CEP63: variants seen among roughly 807,000 people sequenced by gnomAD.
CEP63 encodes the protein centrosomal protein 63.
In CEP63, 84 loss-of-function variants were observed where a neutral mutation model predicts 89.1. That is an observed-to-expected ratio of 0.94 (90% CI 0.79 to 1.13). CEP63 has a LOEUF of 1.13. Ranked by LOEUF, CEP63 falls within the 50% of genes most tolerant of loss-of-function variation. The pLI, the probability that CEP63 is intolerant of heterozygous loss-of-function variation, is 0.00. For missense variants in CEP63, 838 were observed against 813.3 expected (o/e 1.03, Z -0.37); for synonymous variants, 267 against 272.5 (o/e 0.98, Z 0.20).
chr3:134,782,506 C>G, the CEP63 span, among the ~76,000 whole-genome samples: 2 of 152,070 alleles, frequency 1.3e-5, no homozygotes, highest in African/African-American at 4.8e-5. Flanking sequence ...TCCGTATGCC[C>G]TCTTTTCCAT....
chr3:134,550,667 A>G (rs549369987), intron 11 of CEP63, among the ~76,000 whole-genome samples: 1 of 152,140 alleles, frequency 6.6e-6, no homozygotes, highest in African/African-American at 2.4e-5. Flanking sequence ...CTAGAGTACA[A>G]GTGGGATGAG....
chr3:134,634,853 C>T, the CEP63 span, among the ~76,000 whole-genome samples: 1 of 152,134 alleles, frequency 6.6e-6, no homozygotes, highest in African/African-American at 2.4e-5. Flanking sequence ...GAACCAATCC[C>T]CCATGTATAC....
In CEP63 at chr3:134,545,133, GGGA is replaced by G. The variant is rs576903645; in HGVS notation, c.556-452_556-450del. Among the ~76,000 whole-genome samples, 30 of 152,078 alleles carry G rather than the reference GGGA, an allele frequency of 2.0e-4. No homozygotes were observed. In the South Asian group the frequency reaches 6.2e-3, roughly 32 times the overall value. The stretch of plus-strand genomic sequence containing the variant: ...CTCAGCCTCCCGATCCCGAGTAGCT[GGGA>G]TTACAGGCACGCGCCACCACGCCCA... On this transcript the variant is annotated intron_variant, in intron 6 of 14. Coordinates refer to ENST00000675561, the MANE Select transcript of CEP63 (RefSeq NM_001353108.3).
At chr3:134,650,805 C>A in the CEP63 span, 5 of 1,554,966 alleles carry the variant, frequency 3.2e-6, no homozygotes, top group African/African-American at 1.4e-5. Flanking sequence ...ACCCGGGGAC[C>A]CGGGTCGGGC....
chr3:134,635,411 C>T, the CEP63 span, among the ~76,000 whole-genome samples: 11 of 144,540 alleles, frequency 7.6e-5, no homozygotes, highest in East Asian at 2.3e-4. Context: ...GCAGGAGAAT[C>T]GCTTGGACCT....
the CEP63 span, among the ~76,000 whole-genome samples, chr3:134,708,998 T>C: frequency 2.6e-5 from 4 of 152,164 alleles, no homozygotes; most frequent in African/African-American, 9.7e-5. Context: ...ACTGTCTTCA[T>C]AGGGGTTGTC....
At chr3:134,569,141 T>G (rs1051528400), downstream of CEP63, among the ~76,000 whole-genome samples, 1 of 152,178 alleles carries the variant, frequency 6.6e-6, no homozygotes, top group Non-Finnish European at 1.5e-5. Context: ...ACGTGGGAAT[T>G]CAGGTGAAAT....
the CEP63 span, among the ~76,000 whole-genome samples, chr3:134,678,715 T>G: frequency 1.3e-5 from 2 of 152,236 alleles, no homozygotes; most frequent in African/African-American, 4.8e-5. Flanking sequence ...CCCAAGGTAG[T>G]GCAGCTAGAT....
intron 3 of CEP63, among the ~76,000 whole-genome samples, chr3:134,522,993 GT>G (rs1319125220): frequency 1.3e-5 from 2 of 152,098 alleles, no homozygotes; most frequent in African/African-American, 4.8e-5. Context: ...TTCCATAGTG[GT>G]TAAACTAATT....
At chr3:134,714,243 G>C in the CEP63 span, among the ~76,000 whole-genome samples, 1 of 152,186 alleles carries the variant, frequency 6.6e-6, no homozygotes, top group Admixed American at 6.5e-5. Flanking sequence ...TTTGTTAGAC[G>C]AGGTCAAAGA....
At chr3:134,745,672 A>G in the CEP63 span, among the ~76,000 whole-genome samples, 1 of 151,922 alleles carries the variant, frequency 6.6e-6, no homozygotes, top group African/African-American at 2.4e-5. Context: ...TCTTAATGCT[A>G]TCTTTCCCTC....
Position 134,564,771 on chromosome 3 carries a change from C to T in CEP63, c.*3236C>T. 1 of 985,446 alleles carries T rather than the reference C, an allele frequency of 1.0e-6. No individual in the cohort carries two copies. Among genetic ancestry groups the T allele is most frequent in the African/African-American group, 1.7e-5 (1 of 57,370 alleles). 61.0% of individuals were successfully genotyped at this position (985,446 alleles called of 1,614,324 possible). On this transcript the variant is annotated 3_prime_UTR_variant, in exon 15 of 15. Transcript: ENST00000675561. ...ACAGTCCCAAGCTTCAGCTTAAAAT[C>T]TGTAGACTGCAGCCCGTTTCTGAAA... is the stretch of plus-strand genomic sequence containing the variant.
intron 3 of CEP63, among the ~76,000 whole-genome samples, chr3:134,521,374 C>T (rs912876159): frequency 3.3e-5 from 5 of 152,154 alleles, no homozygotes; most frequent in Admixed American, 3.3e-4. Context: ...TAAAAAGCAA[C>T]AGTCAATTCC....
At chr3:134,687,409 A>G in the CEP63 span, among the ~76,000 whole-genome samples, 1 of 152,220 alleles carries the variant, frequency 6.6e-6, no homozygotes, top group South Asian at 2.1e-4. Flanking sequence ...GCCTGGATGA[A>G]CGTGCAGCTT....
chr3:134,686,205 C>T, the CEP63 span, among the ~76,000 whole-genome samples: 1 of 152,188 alleles, frequency 6.6e-6, no homozygotes. Flanking sequence ...AAGCAAAAGT[C>T]CTAGATAATC....
At chr3:134,681,215 C>T in the CEP63 span, among the ~76,000 whole-genome samples, 8 of 152,248 alleles carry the variant, frequency 5.3e-5, no homozygotes, top group South Asian at 6.2e-4. Context: ...CCTTCTGTGG[C>T]TATTCAGGTG....
the CEP63 span, among the ~76,000 whole-genome samples, chr3:134,671,340 C>A: frequency 2.0e-5 from 3 of 152,088 alleles, no homozygotes; most frequent in Non-Finnish European, 4.4e-5. Flanking sequence ...CAAAAGAGGG[C>A]AGGGTGGAAG....
intron 8 of CEP63, among the ~76,000 whole-genome samples, 188 bp from the exon 9 acceptor site, chr3:134,547,147 T>C (rs1222544559): frequency 6.6e-6 from 1 of 152,236 alleles, no homozygotes; most frequent in Non-Finnish European, 1.5e-5. Flanking sequence ...AGTAAATTGC[T>C]ACTTTTTGAA....
chr3:134,626,306 T>C, the CEP63 span, among the ~76,000 whole-genome samples: 147,931 of 152,302 alleles, frequency 0.97, 71,969 homozygotes, highest in East Asian at 1. Context: ...AGAGTAGGGC[T>C]ATGTGAGAAA....
Sources: allele counts gnomAD v4.1 joint callset (sites outside exome capture counted in the v4.1 genomes callset), GRCh38; gene constraint gnomAD v4.1.1; transcripts MANE v1.5; gene names NCBI Gene and HGNC (gene_info 2026-07-23, HGNC 2026-07-21).